The following HPRT1 variants were observed in gnomAD, a reference collection of about 807,000 sequenced individuals.
The protein encoded by HPRT1 is hypoxanthine phosphoribosyltransferase 1, also known as hypoxanthine-guanine phosphoribosyltransferase.
In HPRT1, 4 loss-of-function variants were observed where a neutral mutation model predicts 19.0. The ratio of observed to expected loss-of-function variants is 0.21; its 90% CI spans 0.10 to 0.48. The LOEUF is 0.48. HPRT1 is among the 20% of genes least tolerant of loss of function. The pLI is 0.98. For synonymous variants in HPRT1, 53 were observed against 54.9 expected, an observed-to-expected ratio of 0.97 and a Z score of 0.15; for missense variants, 65 against 164.0, an observed-to-expected ratio of 0.40 and a Z score of 3.30.
intron 5 of HPRT1, among the ~76,000 whole-genome samples, chrX:134,490,446 C>A (rs1266783440): frequency 9.7e-6 from 1 of 103,040 alleles, no homozygotes; most frequent in African/African-American, 3.5e-5. Flanking sequence ...CTAAACATAA[C>A]TCTCTCTCTC....
intron 6 of HPRT1, among the ~76,000 whole-genome samples, chrX:134,496,832 G>GT (rs1187081637): frequency 1.8e-5 from 2 of 111,806 alleles, no homozygotes; most frequent in Non-Finnish European, 3.8e-5. Context: ...GTGAGTTCTG[G>GT]TTTTTTAAAG....
chrX:134,477,654 T>C (rs2077629290), intron 3 of HPRT1, among the ~76,000 whole-genome samples: 1 of 110,550 alleles, frequency 9.0e-6, no homozygotes, highest in African/African-American at 3.3e-5. Context: ...TTACAAATAA[T>C]AAAAATATCT....
chrX:134,495,692 A>G (rs2124303273), intron 6 of HPRT1, among the ~76,000 whole-genome samples: 1 of 111,748 alleles, frequency 8.9e-6, no homozygotes, highest in Admixed American at 9.5e-5. Context: ...GTGGTTTTTG[A>G]TATATTCAGA....
At chrX:134,488,917 A>T (rs947986589) in intron 4 of HPRT1, among the ~76,000 whole-genome samples, 1 of 111,550 alleles carries the variant, frequency 9.0e-6, no homozygotes, top group African/African-American at 3.3e-5. Context: ...ATAAAAAGTA[A>T]TTTTTTTCCT....
intron 2 of HPRT1, among the ~76,000 whole-genome samples, chrX:134,474,420 CTTT>C (rs5903877): frequency 4.2e-5 from 4 of 94,688 alleles, no homozygotes; most frequent in Non-Finnish European, 4.2e-5. Flanking sequence ...CAATTTGTCT[CTTT>C]TTTTTTTTTT....
intron 1 of HPRT1, among the ~76,000 whole-genome samples, chrX:134,466,660 A>C (rs1202076980): frequency 8.9e-6 from 1 of 111,995 alleles, no homozygotes; most frequent in African/African-American, 3.2e-5. Flanking sequence ...GAAGGTGTTG[A>C]TAATAACCAC....
chrX:134,493,715 A>G (rs2124302147), intron 6 of HPRT1, 125 bp downstream of exon 6: 1 of 525,151 alleles, frequency 1.9e-6, no homozygotes, highest in East Asian at 3.5e-5. Flanking sequence ...AATCTCATAT[A>G]AGACTTAAGA....
chrX:134,487,523 T>A (rs1179081180), intron 4 of HPRT1, among the ~76,000 whole-genome samples: 1 of 111,617 alleles, frequency 9.0e-6, no homozygotes, highest in African/African-American at 3.3e-5. Flanking sequence ...ATCAGGAAAT[T>A]AAGACTTAAT....
chrX:134,475,149 T>G, intron 2 of HPRT1, 32 bp from the exon 3 acceptor site: 1 of 1,130,798 alleles, frequency 8.8e-7, no homozygotes, highest in Non-Finnish European at 1.2e-6. Context: ...TGTATGAAAC[T>G]TTCTATTAAA....
intron 6 of HPRT1, 75 bp downstream of exon 6, chrX:134,493,665 A>G (rs2077673525): frequency 1.5e-6 from 1 of 658,500 alleles, no homozygotes; most frequent in African/African-American, 2.1e-5. Context: ...TTTTAAGGAT[A>G]AATGTTTTCA....
At position 134,481,576 on chromosome X, in the gene HPRT1, C is replaced by G. The variant is rs188409694; in HGVS notation, c.319-4889C>G. ...CTATCTATCTAAAGCAAATTCATGC[C>G]CTTCTCCTATTTATTGAATCGAGAC... On this transcript the variant is annotated intron_variant, in intron 3 of 8. Coordinates refer to ENST00000298556, the MANE Select transcript of HPRT1 (RefSeq NM_000194.3). 5.5e-5 allele frequency among the ~76,000 whole-genome samples: 6 copies of G among 108,504 alleles called. No individual in the cohort carries two copies. In the East Asian group the frequency reaches 1.7e-3, roughly 31 times the overall value. 94.2% of individuals were successfully genotyped at this position (108,504 alleles called of 115,157 possible).
chrX:134,462,759 TA>T (rs2077588081), intron 1 of HPRT1, among the ~76,000 whole-genome samples: 2 of 112,473 alleles, frequency 1.8e-5, no homozygotes, highest in Non-Finnish European at 1.9e-5. Context: ...TCTTCCTTTT[TA>T]AAAAATTTCT....
At chrX:134,475,591 T>C (rs991024444) in intron 3 of HPRT1, among the ~76,000 whole-genome samples, 2 of 111,696 alleles carry the variant, frequency 1.8e-5, no homozygotes, top group Non-Finnish European at 3.8e-5. Flanking sequence ...TTAAATAAAC[T>C]CCTTTTAGGA....
At chrX:134,474,420 CT>C (rs5903877) in intron 2 of HPRT1, among the ~76,000 whole-genome samples, 128 of 94,621 alleles carry the variant, frequency 1.4e-3, no homozygotes, top group Non-Finnish European at 1.3e-3. Context: ...CAATTTGTCT[CT>C]TTTTTTTTTT....
At position 134,460,186 on chromosome X, in the gene HPRT1, G is replaced by C; in HGVS notation, c.-126G>C. 4.2e-6 allele frequency: 3 copies of C among 706,758 alleles called. No homozygotes were observed. Among genetic ancestry groups the C allele is most frequent in the Non-Finnish European group, 6.1e-6 (3 of 489,109 alleles). The allele number at this position is 706,758 out of a possible 1,213,427, so 58.2% of individuals were successfully genotyped here. On this transcript the variant is annotated 5_prime_UTR_variant, in exon 1 of 9. Coordinates refer to ENST00000298556, the MANE Select transcript of HPRT1 (RefSeq NM_000194.3). ...CCTCAGCTTCAGGCGGCTGCGACGAGCCCTCAGGCGAACCTCTCGGCTTTC... is the reference window on the plus strand; with the variant it reads ...CCTCAGCTTCAGGCGGCTGCGACGACCCCTCAGGCGAACCTCTCGGCTTTC...
intron 1 of HPRT1, among the ~76,000 whole-genome samples, chrX:134,467,974 T>C (rs1179246949): frequency 9.7e-6 from 1 of 102,912 alleles, no homozygotes; most frequent in Non-Finnish European, 2.0e-5. Flanking sequence ...GCCTGGCTAA[T>C]TTTTTTTTTG....
At chrX:134,484,972 G>A (rs1217948581) in intron 3 of HPRT1, among the ~76,000 whole-genome samples, 1 of 111,749 alleles carries the variant, frequency 8.9e-6, no homozygotes, top group Non-Finnish European at 1.9e-5. Context: ...CCGGCCCAGT[G>A]AACACTCTTG....
chrX:134,469,252 A>G (rs1248459535), intron 1 of HPRT1, among the ~76,000 whole-genome samples: 1 of 111,585 alleles, frequency 9.0e-6, no homozygotes, highest in Non-Finnish European at 1.9e-5. Context: ...GTGAATTCAT[A>G]CCTGAAGTAT....
At chrX:134,469,082 A>T (rs17878366) in intron 1 of HPRT1, among the ~76,000 whole-genome samples, 1,577 of 110,817 alleles carry the variant, frequency 0.014, 31 homozygotes, top group African/African-American at 0.049. Context: ...ATTTTGAACA[A>T]CTACAAGTAG....
Sources: gnomAD v4.1 joint callset for allele counts (sites outside exome capture counted in the v4.1 genomes callset) on GRCh38, gnomAD v4.1.1 for gene constraint, MANE v1.5 for transcripts, NCBI Gene and HGNC (gene_info 2026-07-23, HGNC 2026-07-21) for gene names.